The following SAMD5 variants were observed in gnomAD, a reference collection of about 807,000 sequenced individuals.
SAMD5 encodes sterile alpha motif domain-containing protein 5.
SAMD5 carries 13 observed loss-of-function variants against 11.3 expected under a neutral mutation model. The ratio of observed to expected loss-of-function variants is 1.15; its 90% CI spans 0.75 to 1.83. The LOEUF (loss-of-function observed/expected upper bound fraction) is 1.83, where lower values mean the gene tolerates loss of function less well. SAMD5 is among the 40% of genes most tolerant of loss of function. SAMD5 has a pLI of 0.00. For missense variants in SAMD5, 255 were observed against 239.1 expected, an observed-to-expected ratio of 1.07 and a Z score of -0.44; for synonymous variants, 129 against 111.3, an observed-to-expected ratio of 1.16 and a Z score of -1.00.
chr6:147,508,970 G>A lies in SAMD5; in HGVS notation c.42G>A (p.Gln14=), dbSNP rs1237210046. 29 of 1,601,462 alleles carry A rather than the reference G, an allele frequency of 1.8e-5. No individual in the cohort carries two copies. The highest frequency in any genetic ancestry group is 5.2e-5 in the Admixed American group (3 of 57,974). The change falls in exon 1 of 2, where the codon CAG becomes CAA. Residue 14 remains glutamine, a synonymous_variant. Coordinates refer to ENST00000367474, the MANE Select transcript of SAMD5 (RefSeq NM_001030060.3). The part of the protein sequence containing the change: ...NIVYEWLKAL[Q]LPQYAESFVD... Reference sequence around the variant, plus strand: ...TTTACGAGTGGCTCAAAGCGCTGCAGCTTCCGCAGTACGCGGAGTCCTTCG... The same window carrying A: ...TTTACGAGTGGCTCAAAGCGCTGCAACTTCCGCAGTACGCGGAGTCCTTCG...
chr6:147,831,456 T>G, the SAMD5 span, among the ~76,000 whole-genome samples: 2 of 152,334 alleles, frequency 1.3e-5, no homozygotes, highest in Admixed American at 6.5e-5. Flanking sequence ...ATCTCACGGC[T>G]TAAGATGAAA....
intron 1 of SAMD5, among the ~76,000 whole-genome samples, chr6:147,612,950 G>A (rs560754255): frequency 6.6e-6 from 1 of 152,220 alleles, no homozygotes; most frequent in East Asian, 1.9e-4. Context: ...TGTAATCCCA[G>A]CACTTTGGGA....
intron 1 of SAMD5, among the ~76,000 whole-genome samples, chr6:147,595,755 G>A (rs989945576): frequency 2.0e-5 from 3 of 151,900 alleles, no homozygotes; most frequent in African/African-American, 7.3e-5. Flanking sequence ...TCGATCTCCT[G>A]ACCTCATGAT....
chr6:147,519,443 A>C (rs916087972), intron 1 of SAMD5, among the ~76,000 whole-genome samples: 1 of 152,352 alleles, frequency 6.6e-6, no homozygotes, highest in East Asian at 1.9e-4. Context: ...TTTCATCTGC[A>C]AAACAGAATT....
chr6:147,556,778 A>C (rs57426651), intron 1 of SAMD5, among the ~76,000 whole-genome samples: 3 of 152,246 alleles, frequency 2.0e-5, no homozygotes, highest in African/African-American at 7.2e-5. Context: ...TGATATAAAA[A>C]CAAAAATACT....
downstream of SAMD5, among the ~76,000 whole-genome samples, chr6:147,571,162 A>C (rs971044345): frequency 6.6e-6 from 1 of 152,200 alleles, no homozygotes; most frequent in Non-Finnish European, 1.5e-5. Context: ...CTTATGCTTC[A>C]GGTCCTCCTT....
chr6:147,829,829 C>T, the SAMD5 span, among the ~76,000 whole-genome samples: 2 of 152,124 alleles, frequency 1.3e-5, no homozygotes, highest in Non-Finnish European at 2.9e-5. Context: ...TCTACACAGG[C>T]AGCTGGAACT....
At chr6:147,937,998 A>G in the SAMD5 span, among the ~76,000 whole-genome samples, 1 of 152,222 alleles carries the variant, frequency 6.6e-6, no homozygotes, top group Non-Finnish European at 1.5e-5. Context: ...GATTAAGTTG[A>G]GTCATTTACA....
chr6:147,623,622 C>T (rs1289935182), intron 1 of SAMD5, among the ~76,000 whole-genome samples: 1 of 152,136 alleles, frequency 6.6e-6, no homozygotes, highest in African/African-American at 2.4e-5. Flanking sequence ...CAGATACTTG[C>T]AACAGTTCTT....
At chr6:147,852,040 A>G in the SAMD5 span, among the ~76,000 whole-genome samples, 1 of 152,182 alleles carries the variant, frequency 6.6e-6, no homozygotes, top group Non-Finnish European at 1.5e-5. Flanking sequence ...TTAGTCAAAT[A>G]TATTTTTCAG....
the SAMD5 span, among the ~76,000 whole-genome samples, chr6:147,770,692 G>A: frequency 2.0e-5 from 3 of 152,098 alleles, no homozygotes; most frequent in Admixed American, 2.0e-4. Context: ...TTTCAATATT[G>A]ATTCTAAGAT....
the SAMD5 span, among the ~76,000 whole-genome samples, chr6:147,863,838 C>CTTT: frequency 6.3e-4 from 57 of 90,898 alleles, no homozygotes; most frequent in South Asian, 4.2e-3. Flanking sequence ...TTTCTTTCCA[C>CTTT]TTTTTTTTTT....
In SAMD5 at chr6:147,711,170, A is replaced by G. The variant is rs1791392571; in HGVS notation, c.163-26147A>G. Among the ~76,000 whole-genome samples the G allele has an allele frequency of 6.6e-6, 1 of 152,216 alleles. No homozygotes were observed. The highest frequency in any genetic ancestry group is 1.5e-5 in the Non-Finnish European group (1 of 68,038). ...TGGAGAACTTATTATTTATCCTACC[A>G]GTCTCTTTCATTAAATCTTCATGAC... On this transcript the variant is annotated intron_variant, in intron 1 of 1. Coordinates refer to the SAMD5 transcript ENST00000566741. The surrounding 1 kb of genome is among the most constrained non-coding windows in gnomAD (Gnocchi z 4.1).
At chr6:147,803,737 A>G in the SAMD5 span, among the ~76,000 whole-genome samples, 1 of 152,210 alleles carries the variant, frequency 6.6e-6, no homozygotes, top group Non-Finnish European at 1.5e-5. Context: ...TAGCAAAGTC[A>G]GGATTTGAAG....
In SAMD5 at chr6:147,736,531, C is replaced by T. The variant is rs181850462; in HGVS notation, c.163-786C>T. On this transcript the variant is annotated intron_variant, in intron 1 of 1. Transcript: ENST00000566741. ...TTCATTGAACAGCTACTAAGTGCAG[C>T]GTAACTCAGGAGAGTGAACATATGG... Among the ~76,000 whole-genome samples, 244 of 152,172 alleles carry T rather than the reference C, an allele frequency of 1.6e-3. 1 individual carries two copies. Among genetic ancestry groups the T allele is most frequent in the African/African-American group, 5.5e-3 (229 of 41,504 alleles).
the SAMD5 span, among the ~76,000 whole-genome samples, chr6:147,926,515 A>G: frequency 6.6e-6 from 1 of 151,534 alleles, no homozygotes; most frequent in Non-Finnish European, 1.5e-5. Context: ...TCCTTGGCTC[A>G]CTTTTTAATG....
At chr6:147,603,003 T>A (rs1316572884) in intron 1 of SAMD5, among the ~76,000 whole-genome samples, 1 of 152,242 alleles carries the variant, frequency 6.6e-6, no homozygotes, top group East Asian at 1.9e-4. Flanking sequence ...AAGGAATGGA[T>A]GGAATGGAAA....
the SAMD5 span, among the ~76,000 whole-genome samples, chr6:147,774,042 A>G: frequency 1.6e-4 from 25 of 152,082 alleles, no homozygotes; most frequent in Non-Finnish European, 2.9e-4. Context: ...GGGTTTTACC[A>G]TGTGGCCCAG....
At position 147,569,019 on chromosome 6, in the gene SAMD5, G is replaced by C. The variant is rs888680722; in HGVS notation, c.*4563G>C. The C allele has an allele frequency of 6.8e-6, 2 of 296,282 alleles. No homozygotes were observed. The highest frequency in any genetic ancestry group is 1.0e-5 in the Non-Finnish European group (2 of 200,172). The allele number at this position is 296,282 out of a possible 1,614,324, so 18.4% of individuals were successfully genotyped here. On this transcript the variant is annotated 3_prime_UTR_variant, in exon 2 of 2. Coordinates refer to ENST00000367474, the MANE Select transcript of SAMD5 (RefSeq NM_001030060.3). Reference sequence around the variant, plus strand: ...GGGTGGGCAGATCATTTGAGGTCAGGAGTTTGAGACCAGCCTGGCCAACAT... The same window carrying C: ...GGGTGGGCAGATCATTTGAGGTCAGCAGTTTGAGACCAGCCTGGCCAACAT...
Sources: allele counts gnomAD v4.1 joint callset (sites outside exome capture counted in the v4.1 genomes callset), GRCh38; gene constraint gnomAD v4.1.1; non-coding constraint Gnocchi (gnomAD v3.1); transcripts MANE v1.5; gene names NCBI Gene and HGNC (gene_info 2026-07-23, HGNC 2026-07-21).